The following PDLIM5 variants were observed in gnomAD, a reference collection of about 807,000 sequenced individuals.
PDLIM5 encodes the protein PDZ and LIM domain protein 5.
A neutral mutation model predicts 64.2 loss-of-function variants in PDLIM5; 34 were observed. The observed-to-expected ratio is 0.53, with a 90% CI of 0.40 to 0.71. The LOEUF is 0.71. PDLIM5 is among the 30% of genes least tolerant of loss of function. PDLIM5 has a pLI of 0.00. For missense variants in PDLIM5, 683 were observed against 733.6 expected, an observed-to-expected ratio of 0.93 and a Z score of 0.80; for synonymous variants, 253 against 269.1, an observed-to-expected ratio of 0.94 and a Z score of 0.59.
At chr4:94,620,287 A>C (rs1739116645) in intron 8 of PDLIM5, among the ~76,000 whole-genome samples, 1 of 152,144 alleles carries the variant, frequency 6.6e-6, no homozygotes, top group African/African-American at 2.4e-5. Context: ...AATTGATCAT[A>C]GCTGAGTGCG....
At chr4:94,541,771 C>T (rs1231013348) in intron 3 of PDLIM5, among the ~76,000 whole-genome samples, 1 of 152,204 alleles carries the variant, frequency 6.6e-6, no homozygotes, top group East Asian at 1.9e-4. Context: ...CTTCTGTCAT[C>T]CAGCGCCTCC....
Position 94,575,631 on chromosome 4 carries a change from G to T in PDLIM5, c.307G>T (p.Val103Leu). 3.2e-6 allele frequency: 5 copies of T among 1,568,264 alleles called. No individual in the cohort carries two copies. The highest frequency in any genetic ancestry group is 3.5e-6 in the Non-Finnish European group (4 of 1,153,008). ...VPVQKGEPKE[V>L]VKPVPITSPA... ...TTTTACATAGGGAGAACCTAAAGAA[G>T]TAGTTAAACCTGTGCCCATTACATC... Residue 103 changes from valine (V) to leucine (L), a missense_variant, in exon 5 of 13, where the codon GTA becomes TTA. Physicochemically the swap from Val to Leu is conservative, Grantham distance 32. Coordinates refer to ENST00000317968, the MANE Select transcript of PDLIM5 (RefSeq NM_006457.5).
chr4:94,543,778 CTGTG>C (rs60929032), intron 3 of PDLIM5, among the ~76,000 whole-genome samples: 5,264 of 131,842 alleles, frequency 0.04, 144 homozygotes, highest in South Asian at 0.08. Context: ...TAGTATTCCA[CTGTG>C]TGTGTGTGTG....
At chr4:94,589,209 C>T (rs1446873844) in intron 7 of PDLIM5, among the ~76,000 whole-genome samples, 20 of 151,874 alleles carry the variant, frequency 1.3e-4, no homozygotes, top group Non-Finnish European at 1.5e-5. Context: ...ACCAAGAATC[C>T]AATTTCTAGA....
chr4:94,574,419 A>G (rs1480532796), intron 4 of PDLIM5, among the ~76,000 whole-genome samples: 1 of 149,166 alleles, frequency 6.7e-6, no homozygotes, highest in African/African-American at 2.5e-5. Flanking sequence ...AATCACTTGA[A>G]CCCGGGAAGT....
intron 9 of PDLIM5, among the ~76,000 whole-genome samples, chr4:94,647,915 G>A (rs547484846): frequency 1.3e-5 from 2 of 152,274 alleles, no homozygotes; most frequent in African/African-American, 4.8e-5. Context: ...TAAACAACCA[G>A]TGGGTCAGAA....
intron 5 of PDLIM5, among the ~76,000 whole-genome samples, chr4:94,576,721 G>A (rs1199749253): frequency 6.6e-6 from 1 of 152,190 alleles, no homozygotes; most frequent in African/African-American, 2.4e-5. Context: ...AAACATACAT[G>A]TTAGCAGAAC....
intron 2 of PDLIM5, among the ~76,000 whole-genome samples, chr4:94,494,592 A>G (rs1727203302): frequency 6.7e-6 from 1 of 149,592 alleles, no homozygotes; most frequent in East Asian, 2.0e-4. Flanking sequence ...GGCTCCTGCC[A>G]CCATGCCCGG....
At position 94,601,881 on chromosome 4, in the gene PDLIM5, T is replaced by C. The variant is rs551197684; in HGVS notation, c.920+15437T>C. Among the ~76,000 whole-genome samples, 25 of 152,314 alleles carry C rather than the reference T, an allele frequency of 1.6e-4. No homozygotes were observed. The South Asian group carries it at 4.1e-3, about 25-fold the overall frequency. ...ATTTAGTTTTCCAGAAGGGAGATCA[T>C]AGTTACAAATGAGCAAACTCAACAT... On this transcript the variant is annotated intron_variant, in intron 7 of 12. Transcript: ENST00000317968.
At chr4:94,513,067 T>G (rs1333349427) in intron 2 of PDLIM5, among the ~76,000 whole-genome samples, 2 of 152,166 alleles carry the variant, frequency 1.3e-5, no homozygotes, top group African/African-American at 2.4e-5. Context: ...TGTTTCCGGA[T>G]TCTCTATTCT....
intron 7 of PDLIM5, among the ~76,000 whole-genome samples, chr4:94,602,886 TG>T (rs1737616263): frequency 6.6e-6 from 1 of 152,178 alleles, no homozygotes; most frequent in Admixed American, 6.5e-5. Context: ...GTACCAGGGT[TG>T]AAAGATTATT....
At chr4:94,649,885 A>T (rs1005592271) in intron 9 of PDLIM5, among the ~76,000 whole-genome samples, 1 of 152,192 alleles carries the variant, frequency 6.6e-6, no homozygotes. Context: ...TTTATTTACT[A>T]TTATGTTTAA....
intron 3 of PDLIM5, among the ~76,000 whole-genome samples, chr4:94,570,923 G>A (rs1198346553): frequency 6.6e-6 from 1 of 152,144 alleles, no homozygotes; most frequent in Non-Finnish European, 1.5e-5. Flanking sequence ...AAGACATAAT[G>A]AGTAATGTGC....
At chr4:94,512,619 G>T (rs1195819078) in intron 2 of PDLIM5, among the ~76,000 whole-genome samples, 1 of 120,236 alleles carries the variant, frequency 8.3e-6, no homozygotes, top group Non-Finnish European at 1.6e-5. Flanking sequence ...TGGATTATTA[G>T]ATTTTTTTTT....
At chr4:94,640,583 T>C in intron 9 of PDLIM5, 133 bp downstream of exon 9, 1 of 526,814 alleles carries the variant, frequency 1.9e-6, no homozygotes, top group South Asian at 3.1e-5. Context: ...GAGTACTAAT[T>C]ATTGAGTAAA....
intron 2 of PDLIM5, among the ~76,000 whole-genome samples, chr4:94,477,925 T>C (rs1725469480): frequency 6.6e-6 from 1 of 152,182 alleles, no homozygotes; most frequent in African/African-American, 2.4e-5. Context: ...TTTTTTCTCA[T>C]GCTTTTTTAA....
chr4:94,550,571 A>T (rs750198044), intron 3 of PDLIM5, among the ~76,000 whole-genome samples: 2 of 152,142 alleles, frequency 1.3e-5, no homozygotes, highest in Non-Finnish European at 2.9e-5. Flanking sequence ...AGCTTAGTTG[A>T]TACACTTCAA....
intron 8 of PDLIM5, among the ~76,000 whole-genome samples, chr4:94,625,717 T>C (rs1739637654): frequency 6.6e-6 from 1 of 152,160 alleles, no homozygotes; most frequent in African/African-American, 2.4e-5. Context: ...CCTCCCAAAG[T>C]GCTGGGATTA....
Position 94,532,409 on chromosome 4 carries a change from G to A in PDLIM5, c.248+8534G>A, listed in dbSNP as rs965084996. On this transcript the variant is annotated intron_variant, in intron 3 of 12. Coordinates refer to ENST00000317968, the MANE Select transcript of PDLIM5 (RefSeq NM_006457.5). ...CTGCTTCTGGTGAGCAAAGGCAGCC[G>A]CCTAAGCTTCTACAGCCCTTGGTAT... 9.2e-5 allele frequency among the ~76,000 whole-genome samples: 14 copies of A among 152,300 alleles called. No homozygotes were observed. The East Asian group carries it at 1.4e-3, about 15-fold the overall frequency.
Sources: allele counts gnomAD v4.1 joint callset (sites outside exome capture counted in the v4.1 genomes callset), GRCh38; gene constraint gnomAD v4.1.1; transcripts MANE v1.5; gene names NCBI Gene and HGNC (gene_info 2026-07-23, HGNC 2026-07-21).